SLC22A23: variants seen among roughly 807,000 people sequenced by gnomAD.
SLC22A23 encodes the protein ion transporter protein.
A neutral mutation model predicts 61.0 loss-of-function variants in SLC22A23; 26 were observed. The ratio of observed to expected loss-of-function variants is 0.43; its 90% CI spans 0.31 to 0.59. SLC22A23 has a LOEUF of 0.59. Among genes scored for constraint, SLC22A23 ranks in the 20% least tolerant of loss-of-function variants. SLC22A23 has a pLI of 0.11. For missense variants in SLC22A23, 796 were observed against 934.7 expected (o/e 0.85, Z 1.94); for synonymous variants, 430 against 413.9 (o/e 1.04, Z -0.47).
intron 1 of SLC22A23, chr6:3,432,083 G>T: frequency 2.6e-6 from 1 of 382,266 alleles, no homozygotes; most frequent in African/African-American, 2.2e-5. Context: ...TGCTATAGGT[G>T]TCATCTCTAC....
chr6:3,428,101 C>T (rs767437002), intron 1 of SLC22A23, among the ~76,000 whole-genome samples: 1 of 152,216 alleles, frequency 6.6e-6, no homozygotes, highest in Non-Finnish European at 1.5e-5. Context: ...GGGGCCTGGC[C>T]AGATGCGTAT....
Position 3,323,983 on chromosome 6 carries a change from A to AG in SLC22A23, c.932dup (p.Gly312TrpfsTer66). 1 of 1,614,178 alleles carries AG rather than the reference A, an allele frequency of 6.2e-7. No individual in the cohort carries two copies. The highest frequency in any genetic ancestry group is 8.5e-7 in the Non-Finnish European group (1 of 1,180,012). ...CCATCGTAATCATGAACCGTTTTCCAGGGGGGCACAGCTCTATTCCTAGAA... is the reference window on the plus strand; with the variant it reads ...CCATCGTAATCATGAACCGTTTTCCAGGGGGGGCACAGCTCTATTCCTAGAA... On this transcript the variant is annotated frameshift_variant, in exon 4 of 10. Transcript: ENST00000406686. LOFTEE classifies it high-confidence loss of function.
chr6:3,448,776 G>A (rs1228705670), intron 1 of SLC22A23, among the ~76,000 whole-genome samples: 3 of 152,212 alleles, frequency 2.0e-5, no homozygotes, highest in African/African-American at 7.2e-5. Flanking sequence ...TTACAGGCGT[G>A]AGCAACCGCG....
rs1763355715 is a variant in SLC22A23, at chr6:3,327,611, G to C, written c.914-3609C>G. Among the ~76,000 whole-genome samples, 1 of 152,216 alleles carries C rather than the reference G, an allele frequency of 6.6e-6. No homozygotes were observed. Among genetic ancestry groups the C allele is most frequent in the African/African-American group, 2.4e-5 (1 of 41,464 alleles). On this transcript the variant is annotated intron_variant, in intron 3 of 9. Coordinates refer to ENST00000406686, the MANE Select transcript of SLC22A23 (RefSeq NM_015482.2). The surrounding 1 kb of genome is among the most constrained non-coding windows in gnomAD (Gnocchi z 4.1). ...AGAAGCTGTGACCTTGGTTCAGTCA[G>C]TTAGGAGTTCTGTGCCTCAGTTTTT...
At chr6:3,281,751 C>T (rs147242480) in intron 9 of SLC22A23, among the ~76,000 whole-genome samples, 231 of 152,130 alleles carry the variant, frequency 1.5e-3, no homozygotes, top group Non-Finnish European at 2.6e-3. Context: ...CCCGATGGCA[C>T]GGGTGAAAAG....
In SLC22A23 at chr6:3,304,147, G is replaced by C. The variant is rs1200041080; in HGVS notation, c.1083-5929C>G. ...CCCTTCAGGAGAAAAGTCTCTCCTT[G>C]TCCCAGACTTCAAAGCCACAGGCAC... On this transcript the variant is annotated intron_variant, in intron 4 of 9. Transcript: ENST00000406686. The surrounding 1 kb of genome is among the most constrained non-coding windows in gnomAD (Gnocchi z 4.3). 6.6e-6 allele frequency among the ~76,000 whole-genome samples: 1 copy of C among 152,158 alleles called. No homozygotes were observed. The highest frequency in any genetic ancestry group is 1.5e-5 in the Non-Finnish European group (1 of 68,032).
At chr6:3,443,946 A>AC (rs1262788037) in intron 1 of SLC22A23, among the ~76,000 whole-genome samples, 1 of 152,070 alleles carries the variant, frequency 6.6e-6, no homozygotes, top group Non-Finnish European at 1.5e-5. Context: ...GACACTCCCC[A>AC]CCCCACTTTG....
chr6:3,442,038 G>A (rs988827443), intron 1 of SLC22A23, among the ~76,000 whole-genome samples: 3 of 152,196 alleles, frequency 2.0e-5, no homozygotes, highest in Non-Finnish European at 4.4e-5. Context: ...AGTGTCTGCC[G>A]ATGGGTGAAC....
chr6:3,319,811 T>C (rs1027173920), intron 4 of SLC22A23, among the ~76,000 whole-genome samples: 1 of 152,022 alleles, frequency 6.6e-6, no homozygotes, highest in African/African-American at 2.4e-5. Context: ...CCCTGAGGGG[T>C]CCAATGAGCT....
intron 1 of SLC22A23, among the ~76,000 whole-genome samples, chr6:3,430,899 T>C (rs1770814489): frequency 6.6e-6 from 1 of 151,888 alleles, no homozygotes; most frequent in Non-Finnish European, 1.5e-5. Flanking sequence ...AAACCCCGTC[T>C]CTACTAAAAA....
chr6:3,406,438 T>C (rs1013808637), intron 3 of SLC22A23, among the ~76,000 whole-genome samples: 1 of 152,220 alleles, frequency 6.6e-6, no homozygotes, highest in East Asian at 1.9e-4. Flanking sequence ...AATAAGACTG[T>C]ACTTTCATAA....
chr6:3,318,887 C>T lies in SLC22A23; in HGVS notation c.1082+4947G>A, dbSNP rs1474705019. Among the ~76,000 whole-genome samples the T allele has an allele frequency of 1.3e-5, 2 of 152,148 alleles. No homozygotes were observed. Among genetic ancestry groups the T allele is most frequent in the Admixed American group, 1.3e-4 (2 of 15,280 alleles). On this transcript the variant is annotated intron_variant, in intron 4 of 9. Transcript: ENST00000406686. This position sits in a 1 kb window ranked among gnomAD's most constrained non-coding sequence, Gnocchi z 4.3. ...GCTGCCATCACTGCCTCCTCTCTCA[C>T]CTTTGAGAGTCACCTCAGATCCATC...
intron 1 of SLC22A23, among the ~76,000 whole-genome samples, chr6:3,428,095 C>T (rs377302160): frequency 5.6e-4 from 86 of 152,332 alleles, no homozygotes; most frequent in African/African-American, 2.0e-3. Flanking sequence ...CTCACCGGGG[C>T]CTGGCCAGAT....
rs1456924908 is a variant in SLC22A23, at chr6:3,269,428, G to A, written c.*3627C>T. On this transcript the variant is annotated 3_prime_UTR_variant, in exon 10 of 10. Coordinates refer to ENST00000406686, the MANE Select transcript of SLC22A23 (RefSeq NM_015482.2). ...AAATGCCCTTCGGTGGATACCATCAGGTGAGGTAGGGAAGACATTCCAGAG... is the reference window on the plus strand; with the variant it reads ...AAATGCCCTTCGGTGGATACCATCAAGTGAGGTAGGGAAGACATTCCAGAG... The A allele has an allele frequency of 2.0e-5, 3 of 152,608 alleles. No individual in the cohort carries two copies. Among genetic ancestry groups the A allele is most frequent in the African/African-American group, 7.2e-5 (3 of 41,470 alleles). The allele number at this position is 152,608 out of a possible 1,614,324, so 9.5% of individuals were successfully genotyped here. A position where few individuals can be genotyped will look rare whatever the true frequency, so the allele number is the denominator to read the frequency against.
chr6:3,293,563 C>A (rs1202320905), intron 5 of SLC22A23, among the ~76,000 whole-genome samples: 2 of 152,248 alleles, frequency 1.3e-5, no homozygotes, highest in Non-Finnish European at 2.9e-5. Context: ...AACAACTGAC[C>A]GGGCACTGCC....
chr6:3,394,232 C>T (rs970602613), intron 3 of SLC22A23, among the ~76,000 whole-genome samples: 4 of 152,226 alleles, frequency 2.6e-5, no homozygotes, highest in South Asian at 2.1e-4. Flanking sequence ...TTCTGTAATT[C>T]AATTAAATCC....
chr6:3,445,152 C>G lies in SLC22A23; in HGVS notation c.654+10754G>C, dbSNP rs1487247082. 1.3e-5 allele frequency: 3 copies of G among 225,752 alleles called. No individual in the cohort carries two copies. In the Admixed American group the frequency reaches 2.0e-4, roughly 15 times the overall value. The allele number at this position is 225,752 out of a possible 1,614,324, so 14.0% of individuals were successfully genotyped here. ...AATGCTCTGGGAGAGAGACCCATGA[C>G]AAGTGGCAGAGTTGGGGCTGCAAGC... is the stretch of plus-strand genomic sequence containing the variant. On this transcript the variant is annotated intron_variant, in intron 1 of 9. Transcript: ENST00000406686.
intron 1 of SLC22A23, among the ~76,000 whole-genome samples, chr6:3,434,850 G>C (rs1771104121): frequency 6.6e-6 from 1 of 152,148 alleles, no homozygotes; most frequent in Non-Finnish European, 1.5e-5. Context: ...TAGATCTCTA[G>C]GCCAAGAACT....
At chr6:3,408,399 A>T (rs1768972078) in intron 3 of SLC22A23, among the ~76,000 whole-genome samples, 1 of 152,236 alleles carries the variant, frequency 6.6e-6, no homozygotes, top group African/African-American at 2.4e-5. Flanking sequence ...AGTCAGTAAA[A>T]CAATTCTATG....
Sources: allele counts gnomAD v4.1 joint callset (sites outside exome capture counted in the v4.1 genomes callset), GRCh38; gene constraint gnomAD v4.1.1; non-coding constraint Gnocchi (gnomAD v3.1); transcripts MANE v1.5; gene names NCBI Gene and HGNC (gene_info 2026-07-23, HGNC 2026-07-21).